ADAD1: variants seen among roughly 807,000 people sequenced by gnomAD.
The protein encoded by ADAD1 is adenosine deaminase domain containing 1.
A neutral mutation model predicts 66.8 loss-of-function variants in ADAD1; 46 were observed. The observed-to-expected ratio is 0.69, with a 90% CI of 0.54 to 0.88. ADAD1 has a LOEUF of 0.88. Among genes scored for constraint, ADAD1 ranks in the 40% least tolerant of loss-of-function variants. The pLI, the probability that ADAD1 is intolerant of heterozygous loss-of-function variation, is 0.00. For missense variants in ADAD1, 617 were observed against 681.8 expected, an observed-to-expected ratio of 0.91 and a Z score of 1.06; for synonymous variants, 248 against 229.4, an observed-to-expected ratio of 1.08 and a Z score of -0.73.
At chr4:122,415,315 C>A in intron 10 of ADAD1, 64 bp from the exon 11 acceptor site, 2 of 1,290,262 alleles carry the variant, frequency 1.6e-6, no homozygotes, top group African/African-American at 1.5e-5. Context: ...CCAATCATTT[C>A]ATTTATTTTA....
At chr4:122,384,682 G>A (rs1005666093) in intron 5 of ADAD1, among the ~76,000 whole-genome samples, 4 of 152,150 alleles carry the variant, frequency 2.6e-5, no homozygotes, top group African/African-American at 9.7e-5. Context: ...ATATATTGAT[G>A]ATTAGTTTCT....
At position 122,383,986 on chromosome 4, in the gene ADAD1, A is replaced by T; in HGVS notation, c.529+20A>T. On this transcript the variant is annotated intron_variant, in intron 5 of 12. Coordinates refer to ENST00000296513, the MANE Select transcript of ADAD1 (RefSeq NM_139243.4). ...CATCAGGTAAATACTCTTGATTATA[A>T]AGTATTTATAAGAGGTATCATTTTT... 6.4e-7 allele frequency: 1 copy of T among 1,560,684 alleles called. No individual in the cohort carries two copies. Among genetic ancestry groups the T allele is most frequent in the Non-Finnish European group, 8.7e-7 (1 of 1,151,442 alleles).
chr4:122,407,871 T>TG, intron 7 of ADAD1, 37 bp from the exon 8 acceptor site: 1 of 1,603,136 alleles, frequency 6.2e-7, no homozygotes, highest in Non-Finnish European at 8.5e-7. Flanking sequence ...AAGAGAGAGG[T>TG]TAAATTAACC....
chr4:122,414,122 T>C (rs542775372), intron 10 of ADAD1, among the ~76,000 whole-genome samples: 13 of 150,854 alleles, frequency 8.6e-5, no homozygotes, highest in African/African-American at 2.9e-4. Context: ...GTAAAATTTA[T>C]AATAAAATAT....
chr4:122,402,889 C>A (rs1266216480), intron 7 of ADAD1, among the ~76,000 whole-genome samples: 1 of 152,016 alleles, frequency 6.6e-6, no homozygotes, highest in Non-Finnish European at 1.5e-5. Context: ...ACTTTTTTAT[C>A]CATACCCTAT....
chr4:122,395,032 C>T (rs1416963930), intron 6 of ADAD1, among the ~76,000 whole-genome samples: 1 of 151,996 alleles, frequency 6.6e-6, no homozygotes, highest in Non-Finnish European at 1.5e-5. Flanking sequence ...GTGTGGTTTG[C>T]TATATATATG....
chr4:122,409,897 G>C lies in ADAD1; in HGVS notation c.849-1325G>C, dbSNP rs138463929. On this transcript the variant is annotated intron_variant, in intron 8 of 12. Coordinates refer to ENST00000296513, the MANE Select transcript of ADAD1 (RefSeq NM_139243.4). ...GTATCTTTAGTAGAGAATGTTGCTGGTCTTGACCTCCTGACCTTGTGATCT... is the reference window on the plus strand; with the variant it reads ...GTATCTTTAGTAGAGAATGTTGCTGCTCTTGACCTCCTGACCTTGTGATCT... Among the ~76,000 whole-genome samples the C allele has an allele frequency of 7.2e-5, 11 of 152,152 alleles. No homozygotes were observed. The East Asian group carries it at 2.1e-3, about 29-fold the overall frequency.
chr4:122,380,873 A>G, intron 3 of ADAD1, 119 bp from the exon 4 acceptor site: 1 of 935,220 alleles, frequency 1.1e-6, no homozygotes, highest in South Asian at 1.9e-5. Flanking sequence ...GAAACTTAAG[A>G]AAAACATATG....
At chr4:122,409,764 A>C (rs1796386590) in intron 8 of ADAD1, among the ~76,000 whole-genome samples, 1 of 152,006 alleles carries the variant, frequency 6.6e-6, no homozygotes, top group African/African-American at 2.4e-5. Context: ...CAATGGCGAG[A>C]TCTCCACTCA....
chr4:122,382,821 AAAG>A (rs1794969799), intron 4 of ADAD1, among the ~76,000 whole-genome samples: 1 of 152,222 alleles, frequency 6.6e-6, no homozygotes, highest in Non-Finnish European at 1.5e-5. Flanking sequence ...ATCATGAAGA[AAAG>A]AACTTGGGAA....
chr4:122,406,178 A>G (rs1469659746), intron 7 of ADAD1, among the ~76,000 whole-genome samples: 5 of 152,184 alleles, frequency 3.3e-5, no homozygotes, highest in African/African-American at 1.2e-4. Flanking sequence ...GCCTATAAAA[A>G]TTTACATTTC....
At chr4:122,394,150 A>G (rs979610128) in intron 6 of ADAD1, among the ~76,000 whole-genome samples, 1 of 152,164 alleles carries the variant, frequency 6.6e-6, no homozygotes, top group Non-Finnish European at 1.5e-5. Flanking sequence ...CATTACGGTA[A>G]TTATCTTATA....
intron 7 of ADAD1, among the ~76,000 whole-genome samples, chr4:122,407,267 GT>G (rs1796258516): frequency 6.6e-6 from 1 of 152,126 alleles, no homozygotes; most frequent in South Asian, 2.1e-4. Flanking sequence ...GAGTGATCTA[GT>G]CACTGGGGAA....
At chr4:122,401,616 G>C (rs536847593) in intron 7 of ADAD1, among the ~76,000 whole-genome samples, 1 of 152,046 alleles carries the variant, frequency 6.6e-6, no homozygotes, top group Non-Finnish European at 1.5e-5. Context: ...GACTATTATT[G>C]TGTTGCCGTC....
At chr4:122,418,404 G>A (rs1796850151) in intron 11 of ADAD1, among the ~76,000 whole-genome samples, 1 of 149,954 alleles carries the variant, frequency 6.7e-6, no homozygotes, top group East Asian at 2.0e-4. Flanking sequence ...CCACCTTCCA[G>A]GTTCACCTTC....
In ADAD1 at chr4:122,407,162, T is replaced by C. The variant is rs937190528; in HGVS notation, c.725-746T>C. ...CATTAGGCGGTTGTGAATGTAGAAC[T>C]GAACTTTGTTTGAAAAACGAAAACT... On this transcript the variant is annotated intron_variant, in intron 7 of 12. Transcript: ENST00000296513. Among the ~76,000 whole-genome samples the C allele has an allele frequency of 2.0e-5, 3 of 152,132 alleles. No homozygotes were observed. The South Asian group carries it at 6.2e-4, about 31-fold the overall frequency.
chr4:122,420,558 C>G (rs1476681190), intron 11 of ADAD1, among the ~76,000 whole-genome samples: 1 of 152,180 alleles, frequency 6.6e-6, no homozygotes, highest in Non-Finnish European at 1.5e-5. Flanking sequence ...GAAAATCAGC[C>G]ATGCCTGTTG....
Position 122,381,142 on chromosome 4 carries a change from A to G in ADAD1, c.323A>G (p.Gln108Arg). The G allele has an allele frequency of 6.3e-7, 1 of 1,585,720 alleles. No homozygotes were observed. The highest frequency in any genetic ancestry group is 8.5e-7 in the Non-Finnish European group (1 of 1,173,370). The change falls in exon 4 of 13, where the codon CAG (glutamine) becomes CGG (arginine). Residue 108 changes from glutamine (Q) to arginine (R), a missense_variant. Gln to Arg is a conservative substitution (Grantham distance 43, BLOSUM62 1). Transcript: ENST00000296513. ...VSALHQFAQM[Q>R]RVQLDLKETV... is the part of the protein sequence containing the mutation. The stretch of plus-strand genomic sequence containing the variant: ...GCCTTGCACCAGTTTGCACAAATGC[A>G]GCGAGTTCAGCTTGACCTTAAGGAA...
intron 11 of ADAD1, among the ~76,000 whole-genome samples, chr4:122,416,717 A>G (rs916516534): frequency 2.6e-5 from 4 of 152,006 alleles, no homozygotes; most frequent in Non-Finnish European, 4.4e-5. Context: ...TGGGCAACAG[A>G]GTGAGACCCT....
Sources: gnomAD v4.1 joint callset for allele counts (sites outside exome capture counted in the v4.1 genomes callset) on GRCh38, gnomAD v4.1.1 for gene constraint, MANE v1.5 for transcripts, NCBI Gene and HGNC (gene_info 2026-07-23, HGNC 2026-07-21) for gene names.